HOOK3: variants seen among roughly 807,000 people sequenced by gnomAD.
The protein encoded by HOOK3 is hook microtubule tethering protein 3.
In HOOK3, 24 loss-of-function variants were observed where a neutral mutation model predicts 116.3. That is an observed-to-expected ratio of 0.21 (90% CI 0.15 to 0.29). HOOK3 has a LOEUF of 0.29. Among genes scored for constraint, HOOK3 ranks in the 10% least tolerant of loss-of-function variants. The pLI is 1.00. For missense variants in HOOK3, 632 were observed against 830.2 expected (o/e 0.76, Z 2.93); for synonymous variants, 275 against 283.0 (o/e 0.97, Z 0.28).
chr8:42,973,478 A>G, intron 12 of HOOK3, 79 bp downstream of exon 12: 1 of 842,784 alleles, frequency 1.2e-6, no homozygotes, highest in Non-Finnish European at 1.8e-6. Flanking sequence ...GTTTGGCCAC[A>G]TTCATTTAAG....
chr8:42,990,765 C>T (rs2130457941), intron 15 of HOOK3, among the ~76,000 whole-genome samples: 1 of 152,216 alleles, frequency 6.6e-6, no homozygotes, highest in Non-Finnish European at 1.5e-5. Flanking sequence ...TTCACCCATT[C>T]TGTCGGTTGT....
intron 1 of HOOK3, among the ~76,000 whole-genome samples, chr8:42,905,335 G>T (rs1421755051): frequency 8.3e-5 from 12 of 143,986 alleles, no homozygotes; most frequent in Admixed American, 3.4e-4. Flanking sequence ...TGGGGGGGGG[G>T]GTGCCGTGGT....
intron 21 of HOOK3, 78 bp from the exon 22 acceptor site, chr8:43,018,280 C>T: frequency 2.2e-6 from 3 of 1,342,196 alleles, no homozygotes; most frequent in Non-Finnish European, 3.0e-6. Context: ...GTAACAAATT[C>T]TGCATGATGA....
At chr8:42,900,147 A>G (rs1425833572) in intron 1 of HOOK3, among the ~76,000 whole-genome samples, 1 of 152,182 alleles carries the variant, frequency 6.6e-6, no homozygotes, top group Non-Finnish European at 1.5e-5. Context: ...GAGTTACAAA[A>G]AGAGTTAAGT....
chr8:42,940,946 A>C (rs1808104237), intron 4 of HOOK3, among the ~76,000 whole-genome samples: 2 of 151,816 alleles, frequency 1.3e-5, no homozygotes, highest in Non-Finnish European at 2.9e-5. Flanking sequence ...TTATTTATTT[A>C]CTTACTTATT....
intron 2 of HOOK3, among the ~76,000 whole-genome samples, chr8:42,916,194 C>T (rs1048422992): frequency 3.9e-5 from 6 of 152,144 alleles, no homozygotes; most frequent in African/African-American, 1.4e-4. Flanking sequence ...TTAATATTGC[C>T]GCCGCCTCTT....
chr8:42,982,570 G>T, intron 13 of HOOK3, 57 bp from the exon 14 acceptor site: 1 of 1,230,554 alleles, frequency 8.1e-7, no homozygotes, highest in South Asian at 1.2e-5. Flanking sequence ...GTTTCATATC[G>T]AAAGTTGTGT....
At chr8:42,932,524 T>C (rs1355423232) in intron 4 of HOOK3, among the ~76,000 whole-genome samples, 1 of 152,148 alleles carries the variant, frequency 6.6e-6, no homozygotes, top group East Asian at 1.9e-4. Context: ...CCAAGGCTCA[T>C]ATGCACCTCT....
At chr8:42,911,460 A>T (rs1807427624) in intron 2 of HOOK3, among the ~76,000 whole-genome samples, 1 of 152,214 alleles carries the variant, frequency 6.6e-6, no homozygotes, top group Admixed American at 6.5e-5. Flanking sequence ...CAAAAAAAAG[A>T]CATAATCTAA....
chr8:42,983,266 G>A (rs1176733928), intron 14 of HOOK3, among the ~76,000 whole-genome samples: 10 of 150,900 alleles, frequency 6.6e-5, no homozygotes, highest in African/African-American at 9.7e-5. Context: ...CTCAGGAGGC[G>A]TAGCTTGCAG....
chr8:42,986,892 C>T, intron 15 of HOOK3, 97 bp downstream of exon 15: 1 of 1,316,664 alleles, frequency 7.6e-7, no homozygotes, highest in South Asian at 1.3e-5. Flanking sequence ...CATGGTGGCT[C>T]ACGCCTGTAA....
chr8:43,014,498 C>A (rs761095409), intron 21 of HOOK3, among the ~76,000 whole-genome samples: 3 of 151,800 alleles, frequency 2.0e-5, no homozygotes, highest in African/African-American at 7.2e-5. Context: ...ACTACAGATG[C>A]CTGCCAGCAC....
In HOOK3 at chr8:43,029,034, G is replaced by A. The variant is rs911894806; in HGVS notation, c.*10536G>A. 3.1e-5 allele frequency: 6 copies of A among 193,166 alleles called. No homozygotes were observed. The highest frequency in any genetic ancestry group is 7.0e-5 in the African/African-American group (3 of 43,056). 12.0% of individuals were successfully genotyped at this position (193,166 alleles called of 1,614,324 possible). A position where few individuals can be genotyped will look rare whatever the true frequency, so the allele number is the denominator to read the frequency against. ...TAGCGATTCATATTAGTTAAGGGAC[G>A]TTTTCAATATGCTTGAAATAAGAAA... On this transcript the variant is annotated 3_prime_UTR_variant, in exon 22 of 22. Coordinates refer to ENST00000307602, the MANE Select transcript of HOOK3 (RefSeq NM_032410.4).
chr8:42,911,286 T>C (rs1807424070), intron 2 of HOOK3, among the ~76,000 whole-genome samples: 1 of 152,140 alleles, frequency 6.6e-6, no homozygotes, highest in Non-Finnish European at 1.5e-5. Flanking sequence ...ACTCCGTCTC[T>C]ACAAAAGTAC....
chr8:42,897,066 A>C lies in HOOK3; in HGVS notation c.-66A>C. On this transcript the variant is annotated 5_prime_UTR_variant, in exon 1 of 22. Coordinates refer to ENST00000307602, the MANE Select transcript of HOOK3 (RefSeq NM_032410.4). ...CCGAGTCAGCTGCGCGGGCCCCCGG[A>C]TCCCCCGACAGAGCGGCGGCGGTGT... is the stretch of plus-strand genomic sequence containing the variant. 8.5e-7 allele frequency: 1 copy of C among 1,181,102 alleles called. No homozygotes were observed. The highest frequency in any genetic ancestry group is 1.1e-6 in the Non-Finnish European group (1 of 937,800). The allele number at this position is 1,181,102 out of a possible 1,614,324, so 73.2% of individuals were successfully genotyped here.
chr8:42,958,826 A>G (rs1035208510), intron 7 of HOOK3, among the ~76,000 whole-genome samples: 1 of 151,918 alleles, frequency 6.6e-6, no homozygotes, highest in Admixed American at 6.6e-5. Flanking sequence ...AGGTTTTAAT[A>G]TAACGAAAAC....
intron 15 of HOOK3, among the ~76,000 whole-genome samples, chr8:42,993,990 T>C (rs1809217507): frequency 6.6e-6 from 1 of 152,134 alleles, no homozygotes; most frequent in Non-Finnish European, 1.5e-5. Context: ...TTCAAATTCA[T>C]TTATTTCTGC....
At chr8:42,909,831 A>T (rs1235950636) in intron 2 of HOOK3, among the ~76,000 whole-genome samples, 3 of 147,612 alleles carry the variant, frequency 2.0e-5, no homozygotes, top group Non-Finnish European at 3.1e-5. Flanking sequence ...GTGCTAAGTA[A>T]ATAAGCCAGG....
In HOOK3 at chr8:42,940,101, A is replaced by G. The variant is rs542667493; in HGVS notation, c.268-3212A>G. On this transcript the variant is annotated intron_variant, in intron 4 of 21. Transcript: ENST00000307602. ...GGGGCGGCGGCCGGGCAGAGGCTGC[A>G]ATCTCGGCACTTTGGGAGGCCAAGG... is the stretch of plus-strand genomic sequence containing the variant. 8.3e-4 allele frequency among the ~76,000 whole-genome samples: 126 copies of G among 152,346 alleles called. 1 individual carries two copies. Among genetic ancestry groups the G allele is most frequent in the Middle Eastern group, 3.4e-3 (1 of 294 alleles).
Sources: allele counts gnomAD v4.1 joint callset (sites outside exome capture counted in the v4.1 genomes callset), GRCh38; gene constraint gnomAD v4.1.1; transcripts MANE v1.5; gene names NCBI Gene and HGNC (gene_info 2026-07-23, HGNC 2026-07-21).